PARVB: variants seen among roughly 807,000 people sequenced by gnomAD.
PARVB encodes beta-parvin.
PARVB carries 46 observed loss-of-function variants against 47.0 expected under a neutral mutation model. That is an observed-to-expected ratio of 0.98 (90% CI 0.77 to 1.25). PARVB has a LOEUF of 1.25. PARVB is among the 50% of genes most tolerant of loss of function. PARVB has a pLI of 0.00. For missense variants in PARVB, 473 were observed against 471.6 expected, an observed-to-expected ratio of 1.00 and a Z score of -0.03; for synonymous variants, 196 against 196.3, an observed-to-expected ratio of 1.00 and a Z score of 0.01.
chr22:44,060,002 G>C (rs1363233456), intron 1 of PARVB, among the ~76,000 whole-genome samples: 2 of 152,000 alleles, frequency 1.3e-5, no homozygotes, highest in African/African-American at 4.8e-5. Flanking sequence ...GAAATGTAAG[G>C]TGGCCTTTTG....
upstream of PARVB, chr22:44,024,230 G>A (rs1387098336): frequency 1.9e-5 from 8 of 411,844 alleles, no homozygotes; most frequent in Middle Eastern, 2.4e-3. Flanking sequence ...CCAGGGGCGG[G>A]GGCGGGACCG....
intron 1 of PARVB, among the ~76,000 whole-genome samples, chr22:44,034,283 GT>G (rs879592033): frequency 0.092 from 13,240 of 144,106 alleles, 1,045 homozygotes; most frequent in African/African-American, 0.15. Context: ...TTTGAGATGG[GT>G]GTCTTTATAC....
intron 4 of PARVB, among the ~76,000 whole-genome samples, chr22:44,126,161 C>T (rs918084527): frequency 3.3e-5 from 5 of 152,252 alleles, no homozygotes; most frequent in South Asian, 2.1e-4. Flanking sequence ...TGATGTTTAG[C>T]ACCGTGGGAC....
chr22:44,026,724 C>A (rs1184981367), intron 1 of PARVB, among the ~76,000 whole-genome samples: 12 of 152,144 alleles, frequency 7.9e-5, no homozygotes, highest in Admixed American at 7.9e-4. Flanking sequence ...CACGACCCTG[C>A]CTGCTGCACC....
chr22:44,041,052 G>A (rs1163664692), intron 1 of PARVB, among the ~76,000 whole-genome samples: 3 of 152,030 alleles, frequency 2.0e-5, no homozygotes, highest in Admixed American at 6.5e-5. Context: ...AAGTCCCACA[G>A]TTTGTGGGAA....
At chr22:44,041,980 T>C (rs1436544466) in intron 1 of PARVB, among the ~76,000 whole-genome samples, 1 of 152,186 alleles carries the variant, frequency 6.6e-6, no homozygotes, top group African/African-American at 2.4e-5. Context: ...TCCATTCTTA[T>C]TGCCACCACG....
intron 11 of PARVB, among the ~76,000 whole-genome samples, chr22:44,158,652 A>G (rs1298388700): frequency 1.3e-5 from 2 of 152,042 alleles, no homozygotes; most frequent in Non-Finnish European, 2.9e-5. Context: ...CATTCCTTTC[A>G]ATCTGGGCTG....
intron 8 of PARVB, chr22:44,140,472 A>G (rs746774604): frequency 3.1e-6 from 2 of 647,262 alleles, no homozygotes; most frequent in Non-Finnish European, 2.9e-6. Context: ...GGTAAAAGGG[A>G]GGGAGGAGAG....
At chr22:44,065,662 A>G (rs2051504947) in intron 1 of PARVB, among the ~76,000 whole-genome samples, 1 of 152,148 alleles carries the variant, frequency 6.6e-6, no homozygotes, top group African/African-American at 2.4e-5. Context: ...AGTCCATTGT[A>G]TCATTCTTAT....
At chr22:44,087,593 T>C (rs1040871770) in intron 1 of PARVB, among the ~76,000 whole-genome samples, 4 of 152,166 alleles carry the variant, frequency 2.6e-5, no homozygotes, top group African/African-American at 9.7e-5. Context: ...CCAGCTTGCT[T>C]TCAAAGTTGT....
chr22:44,035,996 GC>G (rs1039367535), intron 1 of PARVB, among the ~76,000 whole-genome samples: 23 of 152,188 alleles, frequency 1.5e-4, no homozygotes, highest in African/African-American at 4.8e-4. Context: ...AGTGGCTCAC[GC>G]CTGTAATCCC....
chr22:44,164,589 T>A (rs2054126710), intron 12 of PARVB, among the ~76,000 whole-genome samples: 1 of 152,200 alleles, frequency 6.6e-6, no homozygotes, highest in Non-Finnish European at 1.5e-5. Context: ...ATTAAAGGCT[T>A]TGACAAGTCC....
At chr22:44,165,611 G>T (rs1232724654) in intron 12 of PARVB, among the ~76,000 whole-genome samples, 3 of 152,190 alleles carry the variant, frequency 2.0e-5, no homozygotes, top group Non-Finnish European at 4.4e-5. Flanking sequence ...CTGTGCCAGG[G>T]CCTCCTCCTC....
intron 10 of PARVB, 73 bp from the exon 11 acceptor site, chr22:44,157,909 C>T (rs2053970469): frequency 9.8e-7 from 1 of 1,024,284 alleles, no homozygotes; most frequent in Admixed American, 1.8e-5. Context: ...AAAAATATGC[C>T]CCCCTTAAGT....
intron 3 of PARVB, chr22:44,112,929 G>C (rs1374391862): frequency 4.5e-5 from 4 of 88,252 alleles, no homozygotes; most frequent in Non-Finnish European, 6.3e-5. Flanking sequence ...TACTAACTAA[G>C]GCCCTGCACC....
intron 1 of PARVB, among the ~76,000 whole-genome samples, chr22:44,026,813 T>A (rs1420430615): frequency 6.7e-6 from 1 of 150,058 alleles, no homozygotes; most frequent in East Asian, 2.0e-4. Context: ...TGTTCCTGAG[T>A]TGAGGACTCT....
intron 3 of PARVB, among the ~76,000 whole-genome samples, chr22:44,117,977 C>G (rs865935153): frequency 6.6e-6 from 1 of 152,204 alleles, no homozygotes; most frequent in Non-Finnish European, 1.5e-5. Context: ...TAGGTACTTT[C>G]ATAATGGAAG....
chr22:44,091,836 GTCCTC>G (rs1208163064), intron 1 of PARVB, among the ~76,000 whole-genome samples: 1 of 152,204 alleles, frequency 6.6e-6, no homozygotes, highest in Non-Finnish European at 1.5e-5. Flanking sequence ...GCATCAGGCA[GTCCTC>G]TAGGATAAGG....
At chr22:44,079,327 G>T (rs1340959418) in intron 1 of PARVB, among the ~76,000 whole-genome samples, 3 of 152,228 alleles carry the variant, frequency 2.0e-5, no homozygotes, top group Non-Finnish European at 4.4e-5. Flanking sequence ...TCCAGCCTGA[G>T]AACCTGGTAG....
Sources: allele counts gnomAD v4.1 joint callset (sites outside exome capture counted in the v4.1 genomes callset), GRCh38; gene constraint gnomAD v4.1.1; transcripts MANE v1.5; gene names NCBI Gene and HGNC (gene_info 2026-07-23, HGNC 2026-07-21).